METRN: variants seen among roughly 807,000 people sequenced by gnomAD.
The protein encoded by METRN is meteorin, glial cell differentiation regulator, also known as meteorin.
A neutral mutation model predicts 17.4 loss-of-function variants in METRN; 17 were observed. That is an observed-to-expected ratio of 0.98 (90% CI 0.67 to 1.46). The LOEUF is 1.46. METRN is among the 40% of genes most tolerant of loss of function. The pLI, the probability that METRN is intolerant of heterozygous loss-of-function variation, is 0.00. For synonymous variants in METRN, 230 were observed against 210.8 expected (o/e 1.09, Z -0.79); for missense variants, 489 against 456.2 (o/e 1.07, Z -0.65).
At chr16:716,308 C>T (rs2040161374) in intron 2 of METRN, 1 of 1,390,952 alleles carries the variant, frequency 7.2e-7, no homozygotes, top group African/African-American at 1.5e-5. Context: ...CCAAAGCTGT[C>T]CGGGGCTCCC....
rs746049521 is a variant in METRN at position 715,731 on chromosome 16, G to A, written c.252G>A (p.Arg84=). 2 of 1,337,416 alleles carry A rather than the reference G, an allele frequency of 1.5e-6. No homozygotes were observed. The highest frequency in any genetic ancestry group is 1.9e-5 in the South Asian group (1 of 53,624). The allele number at this position is 1,337,416 out of a possible 1,614,324, so 82.8% of individuals were successfully genotyped here. A position where few individuals can be genotyped will look rare whatever the true frequency, so the allele number is the denominator to read the frequency against. The change falls in exon 2 of 4, where the codon CGG becomes CGA. Residue 84 remains arginine, a synonymous_variant. Coordinates refer to ENST00000568223, the MANE Select transcript of METRN (RefSeq NM_024042.4). ...PRARPGIACL[R]PVRPFAGAQV... is the part of the protein sequence containing the mutation. Reference sequence around the variant, plus strand: ...CGCGGCCCGGCATCGCCTGTCTGCGGCCGGTGCGGCCCTTCGCGGGCGCCC... The same window carrying A: ...CGCGGCCCGGCATCGCCTGTCTGCGACCGGTGCGGCCCTTCGCGGGCGCCC...
Position 717,326 on chromosome 16 carries a change from G to A in METRN, c.821G>A (p.Arg274His), listed in dbSNP as rs543831016. 68 of 1,499,984 alleles carry A rather than the reference G, an allele frequency of 4.5e-5. 1 individual carries two copies. The South Asian group carries it at 4.7e-4, about 10-fold the overall frequency. 92.9% of individuals were successfully genotyped at this position (1,499,984 alleles called of 1,614,324 possible). ...TGTGCCCCACGATTCCAGGAGTTCC[G>A]CCGTGCCTACGAGGCTGCCCGTGCT... ...LGCAPRFQEF[R>H]RAYEAARAAH... Residue 274 changes from arginine to histidine, a missense_variant, in exon 4 of 4, where the codon CGC becomes CAC. Coordinates refer to ENST00000568223, the MANE Select transcript of METRN (RefSeq NM_024042.4).
intron 2 of METRN, 77 bp downstream of exon 2, chr16:716,061 G>T (rs2040159689): frequency 1.5e-6 from 2 of 1,369,184 alleles, no homozygotes; most frequent in African/African-American, 1.5e-5. Flanking sequence ...AATGTGCCTT[G>T]TCGGCCCCAC....
Position 719,164 on chromosome 16 carries a change from C to G in METRN, c.*1777C>G, listed in dbSNP as rs1372672157. ...TGGCCGAACCCTGGCTTCTACCTAC[C>G]TGTCTCAGGAAGTGCCTGAGCCTTG... On this transcript the variant is annotated 3_prime_UTR_variant, in exon 4 of 4. Coordinates refer to ENST00000568223, the MANE Select transcript of METRN (RefSeq NM_024042.4). 1 of 152,334 alleles carries G rather than the reference C, an allele frequency of 6.6e-6. No homozygotes were observed. Among genetic ancestry groups the G allele is most frequent in the Non-Finnish European group, 1.5e-5 (1 of 68,120 alleles). The allele number at this position is 152,334 out of a possible 1,614,324, so 9.4% of individuals were successfully genotyped here.
intron 2 of METRN, chr16:716,482 C>T: frequency 6.8e-7 from 1 of 1,466,152 alleles, no homozygotes; most frequent in Non-Finnish European, 9.0e-7. Flanking sequence ...GGGATGGGCT[C>T]TCGCTATTCT....
Position 717,556 on chromosome 16 carries a change from C to CCGCCAGGAGGCAGGAAT in METRN, c.*169_*170insCGCCAGGAGGCAGGAAT. 1 of 549,512 alleles carries CCGCCAGGAGGCAGGAAT rather than the reference C, an allele frequency of 1.8e-6. No homozygotes were observed. Among genetic ancestry groups the CCGCCAGGAGGCAGGAAT allele is most frequent in the South Asian group, 5.2e-5 (1 of 19,386 alleles). 34.0% of individuals were successfully genotyped at this position (549,512 alleles called of 1,614,324 possible). On this transcript the variant is annotated 3_prime_UTR_variant, in exon 4 of 4. Transcript: ENST00000568223. ...GCAGCTGTGAGGATGGCTCCAATTC[C>CCGCCAGGAGGCAGGAAT]TGCCTCCTGGCGGGAGACTGAGGCT... is the stretch of plus-strand genomic sequence containing the variant.
intron 1 of METRN, 47 bp downstream of exon 1, chr16:715,440 G>T: frequency 7.9e-7 from 1 of 1,269,448 alleles, no homozygotes; most frequent in South Asian, 2.4e-5. Flanking sequence ...GGTGCGCTGC[G>T]GCTAGGACCC....
rs547982453 is a variant in METRN, at chr16:717,530, C to T, written c.*143C>T. On this transcript the variant is annotated 3_prime_UTR_variant, in exon 4 of 4. Transcript: ENST00000568223. ...GTCCAGCCCAGCCTTGGGCCTGCCT[C>T]GCAGCTGTGAGGATGGCTCCAATTC... 324 of 731,166 alleles carry T rather than the reference C, an allele frequency of 4.4e-4. No homozygotes were observed. The highest frequency in any genetic ancestry group is 6.1e-4 in the Non-Finnish European group (312 of 513,574). The allele number at this position is 731,166 out of a possible 1,614,324, so 45.3% of individuals were successfully genotyped here.
At chr16:716,796 C>G in intron 2 of METRN, 137 bp from the exon 3 acceptor site, 2 of 1,517,766 alleles carry the variant, frequency 1.3e-6, no homozygotes, top group Non-Finnish European at 1.8e-6. Context: ...CTGGGACCCC[C>G]AGGTGCCATC....
intron 2 of METRN, chr16:716,294 C>A: frequency 2.2e-6 from 3 of 1,377,770 alleles, no homozygotes; most frequent in Non-Finnish European, 9.3e-7. Flanking sequence ...ATCGAAGCCT[C>A]CGGCCAAAGC....
rs1384643792 is a variant in METRN at position 717,500 on chromosome 16, C to A, written c.*113C>A. On this transcript the variant is annotated 3_prime_UTR_variant, in exon 4 of 4. Coordinates refer to ENST00000568223, the MANE Select transcript of METRN (RefSeq NM_024042.4). ...ACGCAAGCTGCTGTGGACCTGGTCT[C>A]CTGTGTCCAGCCCAGCCTTGGGCCT... is the stretch of plus-strand genomic sequence containing the variant. 2.8e-6 allele frequency: 3 copies of A among 1,073,088 alleles called. No individual in the cohort carries two copies. The highest frequency in any genetic ancestry group is 3.7e-6 in the Non-Finnish European group (3 of 807,480). 66.5% of individuals were successfully genotyped at this position (1,073,088 alleles called of 1,614,324 possible). A position where few individuals can be genotyped will look rare whatever the true frequency, so the allele number is the denominator to read the frequency against.
chr16:715,412 T>A lies in METRN; in HGVS notation c.104+19T>A. 7 of 1,283,668 alleles carry A rather than the reference T, an allele frequency of 5.5e-6. 1 individual carries two copies. The South Asian group carries it at 1.6e-4, about 30-fold the overall frequency. The allele number at this position is 1,283,668 out of a possible 1,614,324, so 79.5% of individuals were successfully genotyped here. On this transcript the variant is annotated intron_variant, in intron 1 of 3. Coordinates refer to ENST00000568223, the MANE Select transcript of METRN (RefSeq NM_024042.4). ...GGGGCAGGTACGGTCCGGGGGGCTG[T>A]CCCCGCACTTAGGACGGGGTGCGCT...
intron 2 of METRN, 154 bp downstream of exon 2, chr16:716,138 G>A (rs1278813207): frequency 2.5e-5 from 25 of 985,344 alleles, no homozygotes; most frequent in Admixed American, 6.1e-5. Context: ...TGGGACTGCT[G>A]GGGAGGGATG....
chr16:716,762 C>G (rs763237163), intron 2 of METRN, 171 bp from the exon 3 acceptor site: 1 of 1,533,958 alleles, frequency 6.5e-7, no homozygotes. Context: ...TCGCCGAGGG[C>G]GTGCACATCT....
In METRN at chr16:715,769, AGCGCGCAGGGG is replaced by A. The variant is rs1246228819; in HGVS notation, c.295_305del (p.Ala99ProfsTer47). 7 of 1,265,272 alleles carry A rather than the reference AGCGCGCAGGGG, an allele frequency of 5.5e-6. No individual in the cohort carries two copies. Among genetic ancestry groups the A allele is most frequent in the Non-Finnish European group, 6.9e-6 (7 of 1,008,854 alleles). The allele number at this position is 1,265,272 out of a possible 1,614,324, so 78.4% of individuals were successfully genotyped here. On this transcript the variant is annotated frameshift_variant, in exon 2 of 4. Coordinates refer to ENST00000568223, the MANE Select transcript of METRN (RefSeq NM_024042.4). LOFTEE classifies it high-confidence loss of function. ...TTCGCGGGCGCCCAGGTCTTCGCGG[AGCGCGCAGGGG>A]GCGCCCTGGAGCTGCTGCTGGCCGA...
rs892125124 is a variant in METRN, at chr16:715,667, G to A, written c.188G>A (p.Gly63Glu). ...EGAVEWLYPA[G>E]ALRLTLGGPD... ...GCGGTTGAGTGGCTGTACCCGGCTG[G>A]GGCGCTGCGCCTGACCCTGGGCGGC... Residue 63 changes from glycine (G) to glutamate (E), a missense_variant, in exon 2 of 4, where the codon GGG (glycine) becomes GAG (glutamate). By Grantham distance (98) the Gly-to-Glu change is moderately conservative (BLOSUM62 -2). Coordinates refer to ENST00000568223, the MANE Select transcript of METRN (RefSeq NM_024042.4). 49 of 1,427,336 alleles carry A rather than the reference G, an allele frequency of 3.4e-5. No individual in the cohort carries two copies. Among genetic ancestry groups the A allele is most frequent in the Non-Finnish European group, 4.1e-5 (45 of 1,095,182 alleles). 88.4% of individuals were successfully genotyped at this position (1,427,336 alleles called of 1,614,324 possible).
rs571596946 is a variant in METRN at position 717,168 on chromosome 16, G to C, written c.663G>C (p.Pro221=). 1 of 1,604,458 alleles carries C rather than the reference G, an allele frequency of 6.2e-7. No homozygotes were observed. The highest frequency in any genetic ancestry group is 8.5e-7 in the Non-Finnish European group (1 of 1,176,460). ...CCCGTGTCCTCCGCCAGACACCGCC[G>C]CTGTTCCAGGCGGGGCGATCCGGGG... The part of the protein sequence containing the change: ...VAARVLRQTP[P]LFQAGRSGDQ... The change falls in exon 4 of 4, where the codon CCG becomes CCC. Residue 221 remains proline, a synonymous_variant. Coordinates refer to ENST00000568223, the MANE Select transcript of METRN (RefSeq NM_024042.4).
Position 715,970 on chromosome 16 carries a change from G to T in METRN, c.491G>T (p.Gly164Val), listed in dbSNP as rs1344022454. ...CCCGAGCTGCCCCCGCAGGCCCACG[G>T]TCTCGGCGTAGACGGTGAGTGGCGG... is the stretch of plus-strand genomic sequence containing the variant. ...GRPELPPQAH[G>V]LGVDGACRPC... Residue 164 changes from glycine to valine, a missense_variant, in exon 2 of 4, where the codon GGT becomes GTT. Coordinates refer to ENST00000568223, the MANE Select transcript of METRN (RefSeq NM_024042.4). 12 of 1,489,756 alleles carry T rather than the reference G, an allele frequency of 8.1e-6. No individual in the cohort carries two copies. The highest frequency in any genetic ancestry group is 1.5e-5 in the African/African-American group (1 of 68,932). The allele number at this position is 1,489,756 out of a possible 1,614,324, so 92.3% of individuals were successfully genotyped here.
rs2040172986 is a variant in METRN at position 717,634 on chromosome 16, A to G, written c.*247A>G. 1.0e-5 allele frequency: 4 copies of G among 399,348 alleles called. No homozygotes were observed. Among genetic ancestry groups the G allele is most frequent in the Non-Finnish European group, 1.8e-5 (4 of 227,046 alleles). 24.7% of individuals were successfully genotyped at this position (399,348 alleles called of 1,614,324 possible). A position where few individuals can be genotyped will look rare whatever the true frequency, so the allele number is the denominator to read the frequency against. Reference sequence around the variant, plus strand: ...ATTTGGCAACTGAGAGGGAGAGCAGATGTCAGGAGGAGCTACACCCACATT... The same window carrying G: ...ATTTGGCAACTGAGAGGGAGAGCAGGTGTCAGGAGGAGCTACACCCACATT... On this transcript the variant is annotated 3_prime_UTR_variant, in exon 4 of 4. Transcript: ENST00000568223.
Sources: gnomAD v4.1 joint callset for allele counts on GRCh38, gnomAD v4.1.1 for gene constraint, MANE v1.5 for transcripts, NCBI Gene and HGNC (gene_info 2026-07-23, HGNC 2026-07-21) for gene names.